Variants in C12orf42 observed in about 807,000 individuals in gnomAD.
The protein encoded by C12orf42 is chromosome 12 open reading frame 42.
A neutral mutation model predicts 21.6 loss-of-function variants in C12orf42; 25 were observed. The ratio of observed to expected loss-of-function variants is 1.16; its 90% CI spans 0.84 to 1.62. The LOEUF (loss-of-function observed/expected upper bound fraction) is 1.62. Among genes scored for constraint, C12orf42 ranks in the 40% most tolerant of loss-of-function variants. C12orf42 has a pLI of 0.00. For synonymous variants in C12orf42, 174 were observed against 175.0 expected (o/e 0.99, Z 0.05); for missense variants, 483 against 459.3 (o/e 1.05, Z -0.47).
chr12:103,114,287 C>T, the C12orf42 span, among the ~76,000 whole-genome samples: 1 of 152,114 alleles, frequency 6.6e-6, no homozygotes, highest in African/African-American at 2.4e-5. Context: ...GGATAGAAAG[C>T]CAGTGGGAGT....
intron 2 of C12orf42, among the ~76,000 whole-genome samples, chr12:103,409,870 T>A (rs1193803831): frequency 1.3e-5 from 2 of 152,200 alleles, no homozygotes; most frequent in African/African-American, 4.8e-5. Context: ...TTGAGCACAA[T>A]ACACTAAGAT....
chr12:103,186,615 T>A, the C12orf42 span, among the ~76,000 whole-genome samples: 1 of 152,256 alleles, frequency 6.6e-6, no homozygotes, highest in Middle Eastern at 3.4e-3. Flanking sequence ...AATTGGCTAC[T>A]ATGGATGTGA....
chr12:103,449,081 TGATAGATAGATAGATAGATAGATA>T (rs56702467), intron 2 of C12orf42, among the ~76,000 whole-genome samples: 1 of 146,484 alleles, frequency 6.8e-6, no homozygotes, highest in Non-Finnish European at 1.5e-5. Context: ...AAAGAAAATA[TGATAGATAGATAGATAGATAGATA>T]GATAGATAGA....
At chr12:103,483,070 T>C (rs1480143140) in intron 1 of C12orf42, among the ~76,000 whole-genome samples, 1 of 152,238 alleles carries the variant, frequency 6.6e-6, no homozygotes, top group African/African-American at 2.4e-5. Context: ...AGGTCTAAAA[T>C]TGGTGTCTGT....
At chr12:103,273,172 G>T (rs956294224) in intron 5 of C12orf42, among the ~76,000 whole-genome samples, 1 of 152,134 alleles carries the variant, frequency 6.6e-6, no homozygotes, top group Non-Finnish European at 1.5e-5. Context: ...CTGGGAGCTA[G>T]AATCCATATT....
At chr12:103,220,098 A>G in the C12orf42 span, among the ~76,000 whole-genome samples, 1 of 152,204 alleles carries the variant, frequency 6.6e-6, no homozygotes, top group East Asian at 1.9e-4. Context: ...GGATGAATTC[A>G]TGTCCTTTGC....
chr12:103,164,289 G>A, the C12orf42 span: 1 of 394,554 alleles, frequency 2.5e-6, no homozygotes, highest in Non-Finnish European at 5.0e-6. Flanking sequence ...GAAACTTTCA[G>A]TAGTCACTTC....
At chr12:103,356,144 C>A (rs2043528330) in intron 4 of C12orf42, among the ~76,000 whole-genome samples, 2 of 152,074 alleles carry the variant, frequency 1.3e-5, no homozygotes, top group East Asian at 3.9e-4. Context: ...TCCTTCCCTA[C>A]CTTTCTAGGT....
At chr12:103,049,960 T>C in the C12orf42 span, among the ~76,000 whole-genome samples, 190 of 152,344 alleles carry the variant, frequency 1.2e-3, 3 homozygotes, top group East Asian at 0.032. Flanking sequence ...ACTCCTTCCA[T>C]TGGATGCTCC....
At chr12:103,220,173 C>T in the C12orf42 span, among the ~76,000 whole-genome samples, 423 of 152,192 alleles carry the variant, frequency 2.8e-3, 2 homozygotes, top group African/African-American at 9.2e-3. Flanking sequence ...GAAAACCAAA[C>T]GCCACACGTA....
At chr12:103,211,509 A>G in the C12orf42 span, among the ~76,000 whole-genome samples, 849 of 152,336 alleles carry the variant, frequency 5.6e-3, 5 homozygotes, top group African/African-American at 0.019. Flanking sequence ...GAGAGAAGCC[A>G]GCTGCCAGGC....
the C12orf42 span, among the ~76,000 whole-genome samples, chr12:103,099,807 A>C: frequency 1.3e-5 from 2 of 152,198 alleles, no homozygotes; most frequent in African/African-American, 2.4e-5. Context: ...TAGATTAGAA[A>C]GTTTGCATGA....
chr12:103,188,995 T>C, the C12orf42 span, among the ~76,000 whole-genome samples: 1 of 152,232 alleles, frequency 6.6e-6, no homozygotes, highest in Admixed American at 6.5e-5. Context: ...TTAATATCAC[T>C]TTAGCATTTG....
At chr12:103,202,642 C>T in the C12orf42 span, among the ~76,000 whole-genome samples, 1 of 152,194 alleles carries the variant, frequency 6.6e-6, no homozygotes, top group Non-Finnish European at 1.5e-5. Flanking sequence ...TTCTAGTTAC[C>T]GTTTTCCTGA....
At chr12:103,415,006 T>C (rs546621641) in intron 2 of C12orf42, among the ~76,000 whole-genome samples, 1 of 152,216 alleles carries the variant, frequency 6.6e-6, no homozygotes, top group Admixed American at 6.5e-5. Flanking sequence ...CAACCATCTG[T>C]TGTCTTCAAG....
At chr12:103,496,430 T>G (rs947873773), upstream of C12orf42, among the ~76,000 whole-genome samples, 2 of 152,286 alleles carry the variant, frequency 1.3e-5, no homozygotes, top group South Asian at 4.1e-4. Flanking sequence ...TCCAAAGTCA[T>G]GCTAGTTGGT....
At chr12:103,304,710 C>T (rs918020493) in intron 5 of C12orf42, among the ~76,000 whole-genome samples, 1 of 152,176 alleles carries the variant, frequency 6.6e-6, no homozygotes, top group Non-Finnish European at 1.5e-5. Context: ...AACATATTGC[C>T]TTGTTCATAG....
chr12:103,394,255 T>G (rs1265492412), intron 3 of C12orf42, among the ~76,000 whole-genome samples: 1 of 152,270 alleles, frequency 6.6e-6, no homozygotes, highest in South Asian at 2.1e-4. Flanking sequence ...ATGAAGACAC[T>G]CTATTTCTCA....
chr12:103,317,051 A>C (rs1666370136), intron 4 of C12orf42, among the ~76,000 whole-genome samples: 1 of 152,180 alleles, frequency 6.6e-6, no homozygotes, highest in Admixed American at 6.5e-5. Context: ...AAGGTGGCAA[A>C]CAAGTTTTGT....
Sources: allele counts gnomAD v4.1 joint callset (sites outside exome capture counted in the v4.1 genomes callset), GRCh38; gene constraint gnomAD v4.1.1; transcripts MANE v1.5; gene names NCBI Gene and HGNC (gene_info 2026-07-23, HGNC 2026-07-21).